STPG2: variants seen among roughly 807,000 people sequenced by gnomAD.
The protein encoded by STPG2 is sperm-tail PG-rich repeat-containing protein 2.
In STPG2, 56 loss-of-function variants were observed where a neutral mutation model predicts 54.2. The observed-to-expected ratio is 1.03, with a 90% CI of 0.83 to 1.29. The LOEUF is 1.29. STPG2 is among the 50% of genes most tolerant of loss of function. The pLI, the probability that STPG2 is intolerant of heterozygous loss-of-function variation, is 0.00. For missense variants in STPG2, 596 were observed against 544.9 expected, an observed-to-expected ratio of 1.09 and a Z score of -0.93; for synonymous variants, 200 against 181.8, an observed-to-expected ratio of 1.10 and a Z score of -0.81.
chr4:97,930,498 C>A (rs1255293936), intron 8 of STPG2, among the ~76,000 whole-genome samples: 2 of 151,956 alleles, frequency 1.3e-5, no homozygotes, highest in Non-Finnish European at 2.9e-5. Context: ...GATGTATGGC[C>A]CTCATGTCTG....
chr4:97,707,165 A>G (rs1197800959), intron 10 of STPG2, among the ~76,000 whole-genome samples: 1 of 152,154 alleles, frequency 6.6e-6, no homozygotes, highest in Non-Finnish European at 1.5e-5. Flanking sequence ...GTTGTTGGGG[A>G]AAGTGATGTG....
intron 9 of STPG2, among the ~76,000 whole-genome samples, chr4:97,798,316 A>G (rs1475493507): frequency 1.3e-5 from 2 of 152,116 alleles, no homozygotes; most frequent in African/African-American, 4.8e-5. Flanking sequence ...TCATGTGGGC[A>G]TATAGTGCTA....
In STPG2 at chr4:98,065,227, C is replaced by G. The variant is rs980130802; in HGVS notation, c.612+40726G>C. Among the ~76,000 whole-genome samples the G allele has an allele frequency of 4.6e-5, 7 of 152,008 alleles. No individual in the cohort carries two copies. The South Asian group carries it at 1.0e-3, about 23-fold the overall frequency. The stretch of plus-strand genomic sequence containing the variant: ...TCTATGCTATAATTTCTATTCAAGG[C>G]AACAAAATAGGAAACCAAACATAAT... On this transcript the variant is annotated intron_variant, in intron 5 of 10. Coordinates refer to ENST00000295268, the MANE Select transcript of STPG2 (RefSeq NM_174952.3).
At chr4:97,967,348 C>A (rs1470129163) in intron 7 of STPG2, among the ~76,000 whole-genome samples, 2 of 152,108 alleles carry the variant, frequency 1.3e-5, no homozygotes, top group Non-Finnish European at 2.9e-5. Flanking sequence ...AATACAGGAG[C>A]ACCCAGATTC....
chr4:98,084,875 T>C (rs1055636738), intron 5 of STPG2, among the ~76,000 whole-genome samples: 1 of 152,152 alleles, frequency 6.6e-6, no homozygotes, highest in Admixed American at 6.5e-5. Context: ...GATAGATATG[T>C]TGCAATATTG....
chr4:97,469,006 C>G (rs1007527971), intron 4 of STPG2, among the ~76,000 whole-genome samples: 2 of 152,054 alleles, frequency 1.3e-5, no homozygotes, highest in Non-Finnish European at 2.9e-5. Context: ...AAGTTTACTG[C>G]CTTCAAAATA....
At chr4:98,109,715 A>G (rs955072456) in intron 3 of STPG2, among the ~76,000 whole-genome samples, 3 of 152,184 alleles carry the variant, frequency 2.0e-5, no homozygotes, top group African/African-American at 4.8e-5. Context: ...AAAAAATGCA[A>G]ACATCACCAA....
intron 4 of STPG2, among the ~76,000 whole-genome samples, chr4:97,488,527 A>G (rs1483850162): frequency 6.6e-6 from 1 of 151,742 alleles, no homozygotes; most frequent in Non-Finnish European, 1.5e-5. Flanking sequence ...ACAAAATAGA[A>G]ATTTATGTCT....
At chr4:98,049,561 T>A (rs1239172188) in intron 5 of STPG2, among the ~76,000 whole-genome samples, 2 of 152,228 alleles carry the variant, frequency 1.3e-5, no homozygotes, top group Non-Finnish European at 1.5e-5. Flanking sequence ...TGATAGTTTT[T>A]AAAAAATAAA....
chr4:97,836,999 T>C lies in STPG2; in HGVS notation c.1204+3774A>G, dbSNP rs73832105. 7.9e-3 allele frequency among the ~76,000 whole-genome samples: 1,195 copies of C among 151,578 alleles called. 14 individuals carry two copies. The highest frequency in any genetic ancestry group is 0.027 in the African/African-American group (1,117 of 41,464). On this transcript the variant is annotated intron_variant, in intron 9 of 10. Coordinates refer to ENST00000295268, the MANE Select transcript of STPG2 (RefSeq NM_174952.3). ...TAATACATAAGATAGTCTCAATACA[T>C]ATTTGTTAATTGATTGAAAAGATTA...
At chr4:97,728,388 A>G (rs1240242503) in intron 9 of STPG2, among the ~76,000 whole-genome samples, 1 of 152,096 alleles carries the variant, frequency 6.6e-6, no homozygotes, top group Non-Finnish European at 1.5e-5. Context: ...TGATGACAGT[A>G]TTTACCTTTA....
In STPG2 at chr4:97,768,875, T is replaced by C. The variant is rs151200950; in HGVS notation, c.1205-56061A>G. On this transcript the variant is annotated intron_variant, in intron 9 of 10. Coordinates refer to ENST00000295268, the MANE Select transcript of STPG2 (RefSeq NM_174952.3). Reference sequence around the variant, plus strand: ...TGCCATCATGCCCAGCTAATTTTTGTATCTTAAGTAGAGATGGGGTTTCAC... The same window carrying C: ...TGCCATCATGCCCAGCTAATTTTTGCATCTTAAGTAGAGATGGGGTTTCAC... Among the ~76,000 whole-genome samples, 10 of 152,160 alleles carry C rather than the reference T, an allele frequency of 6.6e-5. No homozygotes were observed. In the East Asian group the frequency reaches 1.9e-3, roughly 29 times the overall value.
In STPG2 at chr4:98,103,505, G is replaced by A. The variant is rs183986203; in HGVS notation, c.612+2448C>T. ...AAAAATACAAAATTAGCCAGGCATG[G>A]TGGTGCACGCCTGTAATCCCAGCTA... On this transcript the variant is annotated intron_variant, in intron 5 of 10. Coordinates refer to ENST00000295268, the MANE Select transcript of STPG2 (RefSeq NM_174952.3). Among the ~76,000 whole-genome samples the A allele has an allele frequency of 4.0e-3, 612 of 151,990 alleles. 3 individuals carry two copies. The highest frequency in any genetic ancestry group is 5.8e-3 in the Non-Finnish European group (396 of 67,960).
chr4:97,994,471 T>G (rs1735133799), intron 5 of STPG2, among the ~76,000 whole-genome samples: 1 of 152,176 alleles, frequency 6.6e-6, no homozygotes, highest in South Asian at 2.1e-4. Flanking sequence ...TCTGTAAATA[T>G]CTGTTAAGTC....
In STPG2 at chr4:97,531,576, A is replaced by G. The variant is rs188168423; in HGVS notation, c.462+181123T>C. Among the ~76,000 whole-genome samples, 195 of 152,330 alleles carry G rather than the reference A, an allele frequency of 1.3e-3. 2 individuals carry two copies. Among genetic ancestry groups the G allele is most frequent in the African/African-American group, 4.5e-3 (187 of 41,574 alleles). Reference sequence around the variant, plus strand: ...TTTGCAACAACATTGATGGAAATGGAGGTCATTATGTTATGTGAGATAAGC... The same window carrying G: ...TTTGCAACAACATTGATGGAAATGGGGGTCATTATGTTATGTGAGATAAGC... On this transcript the variant is annotated intron_variant, in intron 4 of 4. Transcript: ENST00000522676.
chr4:97,664,033 T>C (rs1348929002), intron 10 of STPG2, among the ~76,000 whole-genome samples: 1 of 152,222 alleles, frequency 6.6e-6, no homozygotes. Context: ...AGTAGGTATA[T>C]ATACATATGG....
chr4:97,935,921 CCTGA>C (rs1486139258), intron 8 of STPG2, among the ~76,000 whole-genome samples: 1 of 152,044 alleles, frequency 6.6e-6, no homozygotes, highest in African/African-American at 2.4e-5. Flanking sequence ...GAGCACAAGT[CCTGA>C]CTATCCTTGT....
intron 8 of STPG2, among the ~76,000 whole-genome samples, chr4:97,875,402 G>T (rs1462129973): frequency 1.3e-5 from 2 of 149,842 alleles, no homozygotes; most frequent in Admixed American, 1.3e-4. Flanking sequence ...GAAAAAAAAA[G>T]ATCAGAGCCT....
chr4:98,062,478 G>C (rs1400309612), intron 5 of STPG2, among the ~76,000 whole-genome samples: 2 of 152,032 alleles, frequency 1.3e-5, no homozygotes, highest in East Asian at 3.8e-4. Context: ...AAAAAAACTT[G>C]TATTTGGAAT....
Sources: allele counts gnomAD v4.1 joint callset (sites outside exome capture counted in the v4.1 genomes callset), GRCh38; gene constraint gnomAD v4.1.1; transcripts MANE v1.5; gene names NCBI Gene and HGNC (gene_info 2026-07-23, HGNC 2026-07-21).